The following CHD7 variants were observed in gnomAD, a reference collection of about 807,000 sequenced individuals.
CHD7 encodes the protein chromodomain helicase DNA binding protein 7, also known as ATP-dependent chromatin remodeler CHD7.
CHD7 carries 24 observed loss-of-function variants against 307.3 expected under a neutral mutation model. That is an observed-to-expected ratio of 0.08 (90% CI 0.06 to 0.11). The LOEUF (loss-of-function observed/expected upper bound fraction) is 0.11. Ranked by LOEUF, CHD7 falls within the 10% of genes least tolerant of loss-of-function variation. The pLI, the probability that CHD7 is intolerant of heterozygous loss-of-function variation, is 1.00. For missense variants in CHD7, 3,106 were observed against 3,727.1 expected (o/e 0.83, Z 4.34); for synonymous variants, 1,363 against 1,349.9 (o/e 1.01, Z -0.21).
chr8:60,834,580 T>C (rs971241647), intron 15 of CHD7, among the ~76,000 whole-genome samples: 1 of 152,260 alleles, frequency 6.6e-6, no homozygotes, highest in East Asian at 1.9e-4. Flanking sequence ...ACTCTTGCAT[T>C]TATTTTCCAT....
intron 1 of CHD7, among the ~76,000 whole-genome samples, chr8:60,706,626 A>G (rs1460313680): frequency 2.6e-5 from 4 of 152,164 alleles, no homozygotes; most frequent in African/African-American, 9.7e-5. Flanking sequence ...CAAATTTGAG[A>G]TTATCACATT....
intron 31 of CHD7, among the ~76,000 whole-genome samples, chr8:60,853,822 A>G (rs1477525300): frequency 6.6e-6 from 1 of 152,222 alleles, no homozygotes; most frequent in African/African-American, 2.4e-5. Context: ...GACAAATGTG[A>G]GGGAAGGTGG....
chr8:60,729,090 T>A (rs1470269517), intron 1 of CHD7, among the ~76,000 whole-genome samples: 1 of 152,242 alleles, frequency 6.6e-6, no homozygotes, highest in Non-Finnish European at 1.5e-5. Context: ...ATGTAGCCAA[T>A]AAAAGTTATT....
Position 60,841,713 on chromosome 8 carries a change from G to A in CHD7, c.4603G>A (p.Ala1535Thr). The change falls in exon 20 of 38, where the codon GCT becomes ACT. Residue 1535 changes from alanine (A) to threonine (T), a missense_variant. Coordinates refer to ENST00000423902, the MANE Select transcript of CHD7 (RefSeq NM_017780.4). ...TGATCCAAATTTCTGGCAAAAGTGG[G>A]CTAAGAAGGCTGAATTGGATATTGA... ...LDDPNFWQKW[A>T]KKAELDIDAL... 2 of 1,609,658 alleles carry A rather than the reference G, an allele frequency of 1.2e-6. No individual in the cohort carries two copies. Among genetic ancestry groups the A allele is most frequent in the Non-Finnish European group, 1.7e-6 (2 of 1,176,152 alleles).
chr8:60,776,115 T>A (rs1338111312), intron 2 of CHD7, among the ~76,000 whole-genome samples: 5 of 152,208 alleles, frequency 3.3e-5, no homozygotes, highest in African/African-American at 1.2e-4. Flanking sequence ...TGTGACACAT[T>A]TGAATATCCT....
In CHD7 at chr8:60,801,558, GA is replaced by G; in HGVS notation, c.2413del (p.Ile805LeufsTer2). On this transcript the variant is annotated frameshift_variant, in exon 6 of 38. Coordinates refer to ENST00000423902, the MANE Select transcript of CHD7 (RefSeq NM_017780.4). LOFTEE classifies it high-confidence loss of function. ...ESVDAEGPVV[E>X]KIMSSRSVKK... ...TGTTGATGCAGAAGGCCCAGTGGTA[GA>G]AAAAATTATGAGCAGTCGTTCAGTA... 1.3e-6 allele frequency: 2 copies of G among 1,575,572 alleles called. No homozygotes were observed. Among genetic ancestry groups the G allele is most frequent in the Non-Finnish European group, 1.7e-6 (2 of 1,159,266 alleles).
chr8:60,768,294 G>A (rs963663084), intron 2 of CHD7, among the ~76,000 whole-genome samples: 1 of 152,214 alleles, frequency 6.6e-6, no homozygotes, highest in African/African-American at 2.4e-5. Flanking sequence ...ATAGAGATCA[G>A]TTCATCCAAT....
intron 35 of CHD7, 169 bp downstream of exon 35, chr8:60,861,294 C>T (rs1290391191): frequency 1.7e-6 from 1 of 582,092 alleles, no homozygotes; most frequent in Non-Finnish European, 3.0e-6. Flanking sequence ...ATTACAGATA[C>T]TAGCTTCAGG....
intron 1 of CHD7, among the ~76,000 whole-genome samples, chr8:60,696,031 C>T (rs967479400): frequency 1.4e-4 from 22 of 152,088 alleles, no homozygotes; most frequent in African/African-American, 4.3e-4. Context: ...TTCTTTTTGA[C>T]ATTGAAAAAT....
At chr8:60,711,274 C>G (rs1447501267) in intron 1 of CHD7, among the ~76,000 whole-genome samples, 4 of 152,194 alleles carry the variant, frequency 2.6e-5, no homozygotes, top group African/African-American at 9.7e-5. Context: ...AAAGTGATAA[C>G]TCCTGGGGAA....
chr8:60,703,665 A>G (rs906487969), intron 1 of CHD7, among the ~76,000 whole-genome samples: 1 of 152,136 alleles, frequency 6.6e-6, no homozygotes, highest in South Asian at 2.1e-4. Flanking sequence ...CCACCCCTTT[A>G]TGGAAGGACT....
At chr8:60,717,033 CTTT>C (rs57809302) in intron 1 of CHD7, among the ~76,000 whole-genome samples, 45 of 134,944 alleles carry the variant, frequency 3.3e-4, no homozygotes, top group African/African-American at 5.1e-4. Flanking sequence ...TACCTTAAGC[CTTT>C]TTTTTTTTTT....
chr8:60,753,456 A>G (rs1009056980), intron 2 of CHD7, among the ~76,000 whole-genome samples: 1 of 152,178 alleles, frequency 6.6e-6, no homozygotes, highest in African/African-American at 2.4e-5. Flanking sequence ...TAAGGCTTGC[A>G]GTTTTACTTT....
chr8:60,714,568 C>A (rs922551715), intron 1 of CHD7, among the ~76,000 whole-genome samples: 3 of 152,216 alleles, frequency 2.0e-5, no homozygotes, highest in Non-Finnish European at 4.4e-5. Flanking sequence ...GCCCTCCTGG[C>A]CCCTGGGCTT....
chr8:60,803,771 A>G (rs747219701), intron 6 of CHD7, among the ~76,000 whole-genome samples: 3 of 152,258 alleles, frequency 2.0e-5, no homozygotes, highest in Non-Finnish European at 4.4e-5. Flanking sequence ...TAGATACTTT[A>G]GTTATCACCT....
intron 14 of CHD7, 129 bp from the exon 15 acceptor site, chr8:60,830,193 C>T: frequency 1.1e-6 from 1 of 934,438 alleles, no homozygotes; most frequent in Non-Finnish European, 1.6e-6. Flanking sequence ...CTCCTTCATA[C>T]TCTCACTGGG....
chr8:60,698,633 AT>A (rs923607169), intron 1 of CHD7, among the ~76,000 whole-genome samples: 1 of 152,176 alleles, frequency 6.6e-6, no homozygotes, highest in African/African-American at 2.4e-5. Flanking sequence ...TGCCTGGCAT[AT>A]TTTATACCAA....
rs1292444707 is a variant in CHD7, at chr8:60,799,937, T to TTTCACATCATATA, written c.2239-449_2239-437dup. ...ATTGTATTTGTTAGCACTGTGATCT[T>TTTCACATCATATA]TTCACATCATATATAGGATTAGCAT... On this transcript the variant is annotated intron_variant, in intron 4 of 37. Coordinates refer to ENST00000423902, the MANE Select transcript of CHD7 (RefSeq NM_017780.4). Among the ~76,000 whole-genome samples, 5 of 152,264 alleles carry TTTCACATCATATA rather than the reference T, an allele frequency of 3.3e-5. No individual in the cohort carries two copies. The East Asian group carries it at 5.8e-4, about 18-fold the overall frequency.
At chr8:60,783,944 G>A (rs1811377299) in intron 3 of CHD7, among the ~76,000 whole-genome samples, 1 of 152,176 alleles carries the variant, frequency 6.6e-6, no homozygotes. Context: ...GTTGAATTGA[G>A]GTTTTAAGTA....
Sources: allele counts gnomAD v4.1 joint callset (sites outside exome capture counted in the v4.1 genomes callset), GRCh38; gene constraint gnomAD v4.1.1; transcripts MANE v1.5; gene names NCBI Gene and HGNC (gene_info 2026-07-23, HGNC 2026-07-21).